The following PALB2 variants were observed in gnomAD, a reference collection of about 807,000 sequenced individuals.
PALB2 encodes the protein partner and localizer of BRCA2.
Under a neutral mutation model 107.4 loss-of-function variants are expected in PALB2, and 82 were observed. The ratio of observed to expected loss-of-function variants is 0.76; its 90% CI spans 0.64 to 0.92. The LOEUF (loss-of-function observed/expected upper bound fraction) is 0.92, where lower values mean the gene tolerates loss of function less well. Ranked by LOEUF, PALB2 falls within the 40% of genes least tolerant of loss-of-function variation. The pLI, the probability that PALB2 is intolerant of heterozygous loss-of-function variation, is 0.00. For missense variants in PALB2, 1,374 were observed against 1,379.9 expected, an observed-to-expected ratio of 1.00 and a Z score of 0.07; for synonymous variants, 489 against 496.8, an observed-to-expected ratio of 0.98 and a Z score of 0.21.
intron 3 of PALB2, among the ~76,000 whole-genome samples, chr16:23,636,937 A>G (rs557563815): frequency 6.6e-6 from 1 of 152,276 alleles, no homozygotes; most frequent in East Asian, 1.9e-4. Flanking sequence ...TTCTCTGTTC[A>G]TATATACTTA....
chr16:23,607,490 C>T (rs563426806), intron 12 of PALB2: 7 of 311,770 alleles, frequency 2.2e-5, no homozygotes, highest in South Asian at 2.1e-4. Context: ...GAGACTGGGT[C>T]TTGCTCTGTT....
intron 10 of PALB2, among the ~76,000 whole-genome samples, chr16:23,619,273 G>GA (rs1026776349): frequency 6.6e-6 from 1 of 152,174 alleles, no homozygotes; most frequent in Admixed American, 6.6e-5. Flanking sequence ...CCTATAGTCA[G>GA]AAAAGAGATG....
intron 11 of PALB2, among the ~76,000 whole-genome samples, chr16:23,613,326 G>A (rs1966620768): frequency 6.6e-6 from 1 of 152,130 alleles, no homozygotes; most frequent in South Asian, 2.1e-4. Context: ...ATTTATTTCT[G>A]TGTGAGAAGA....
rs587776408 is a variant in PALB2, at chr16:23,635,659, A to AT, written c.886dup (p.Met296AsnfsTer7). On this transcript the variant is annotated frameshift_variant, in exon 4 of 13. Transcript: ENST00000261584. LOFTEE classifies it high-confidence loss of function. The stretch of plus-strand genomic sequence containing the variant: ...AAGGAGGTTATCTGTAGAGACAGTC[A>AT]TTTTTTTGCCTTGTGCCTCCAAACT... 5 of 1,613,880 alleles carry AT rather than the reference A, an allele frequency of 3.1e-6. No individual in the cohort carries two copies. The African/African-American group carries it at 5.3e-5, about 17-fold the overall frequency.
rs762994288 is a variant in PALB2, at chr16:23,629,631, G to A, written c.2514+9C>T. 1 of 1,612,514 alleles carries A rather than the reference G, an allele frequency of 6.2e-7. No homozygotes were observed. Among genetic ancestry groups the A allele is most frequent in the South Asian group, 1.1e-5 (1 of 91,038 alleles). On this transcript the variant is annotated intron_variant, in intron 5 of 12. Transcript: ENST00000261584. ...TCAGAGAAAATTTCACAGAGGAAAT[G>A]GATTGTACCTGTTCGACGGAATGTT...
chr16:23,625,726 G>A (rs774442765), intron 7 of PALB2, among the ~76,000 whole-genome samples: 2 of 151,848 alleles, frequency 1.3e-5, no homozygotes, highest in Non-Finnish European at 2.9e-5. Flanking sequence ...GAACCTGGGC[G>A]GCAGAGGTTG....
intron 9 of PALB2, 70 bp downstream of exon 9, chr16:23,622,899 A>C: frequency 6.3e-7 from 1 of 1,586,094 alleles, no homozygotes; most frequent in East Asian, 2.2e-5. Context: ...TAGTTACCCA[A>C]CTTTCTCTGA....
At chr16:23,611,137 C>CGTT (rs1239321190) in intron 11 of PALB2, among the ~76,000 whole-genome samples, 1 of 147,870 alleles carries the variant, frequency 6.8e-6, no homozygotes, top group African/African-American at 2.5e-5. Context: ...TCTATCTATT[C>CGTT]GTTGTTGTTG....
chr16:23,638,031 G>C (rs764761919), intron 2 of PALB2, 39 bp downstream of exon 2: 2 of 1,603,844 alleles, frequency 1.2e-6, no homozygotes, highest in Non-Finnish European at 1.7e-6. Flanking sequence ...TAAATTGTTT[G>C]TACTATAACA....
At chr16:23,621,909 C>A (rs1567213161) in intron 9 of PALB2, among the ~76,000 whole-genome samples, 1 of 152,056 alleles carries the variant, frequency 6.6e-6, no homozygotes, top group Non-Finnish European at 1.5e-5. Context: ...ATATTCTCTC[C>A]TTCCTCTCAA....
At chr16:23,634,744 A>G (rs376941476) in intron 4 of PALB2, 118 bp downstream of exon 4, 3 of 1,396,468 alleles carry the variant, frequency 2.1e-6, no homozygotes, top group African/African-American at 2.9e-5. Flanking sequence ...TTACAGACGT[A>G]AGCCACCACA....
Position 23,629,836 on chromosome 16 carries a change from G to A in PALB2, c.2318C>T (p.Thr773Ile), listed in dbSNP as rs751447232. The change falls in exon 5 of 13, where the codon ACT becomes ATT. Residue 773 changes from threonine (T) to isoleucine (I), a missense_variant. Physicochemically the swap from Thr to Ile is moderately conservative, Grantham distance 89 (BLOSUM62 -1). Coordinates refer to ENST00000261584, the MANE Select transcript of PALB2 (RefSeq NM_024675.4). Reference protein sequence around the residue: ...LKDSVCLASDTKQFDSSGSPA... With the variant: ...LKDSVCLASDIKQFDSSGSPA... ...GCTGCCTGAACTGTCGAATTGTTTA[G>A]TATCACTGGCAAGACAGACTGAGTC... 1.2e-6 allele frequency: 2 copies of A among 1,614,202 alleles called. No homozygotes were observed. Among genetic ancestry groups the A allele is most frequent in the South Asian group, 2.2e-5 (2 of 91,086 alleles).
At chr16:23,638,208 G>A (rs1307068102) in intron 1 of PALB2, 79 bp from the exon 2 acceptor site, 3 of 1,182,546 alleles carry the variant, frequency 2.5e-6, no homozygotes, top group Non-Finnish European at 3.8e-6. Context: ...GCTTGGCGGG[G>A]TCCCTTGGCA....
chr16:23,641,290 G>C lies in PALB2; in HGVS notation c.-133C>G. On this transcript the variant is annotated 5_prime_UTR_variant, in exon 1 of 13. In the 5' UTR this introduces an upstream ATG that the reference lacks. Transcript: ENST00000261584. ...GCCCGGGATCGCACCCTCAGTGCGC[G>C]ATCAGCTGACCCACGCGGGCCAAGC... is the stretch of plus-strand genomic sequence containing the variant. 1 of 1,240,124 alleles carries C rather than the reference G, an allele frequency of 8.1e-7. No homozygotes were observed. The highest frequency in any genetic ancestry group is 1.1e-6 in the Non-Finnish European group (1 of 877,162). The allele number at this position is 1,240,124 out of a possible 1,614,324, so 76.8% of individuals were successfully genotyped here.
chr16:23,637,743 C>G, intron 3 of PALB2, 107 bp downstream of exon 3: 1 of 779,456 alleles, frequency 1.3e-6, no homozygotes. Context: ...AAAATTAAAG[C>G]GTCTATTGCT....
chr16:23,605,332 T>G (rs778909565), intron 12 of PALB2, among the ~76,000 whole-genome samples: 4 of 152,142 alleles, frequency 2.6e-5, no homozygotes, highest in Non-Finnish European at 4.4e-5. Flanking sequence ...GCAAGCTTCA[T>G]GTATTGTATT....
In PALB2 at chr16:23,630,218, T is replaced by C. The variant is rs1303399070; in HGVS notation, c.1936A>G (p.Arg646Gly). The C allele has an allele frequency of 1.2e-6, 2 of 1,614,028 alleles. No individual in the cohort carries two copies. Among genetic ancestry groups the C allele is most frequent in the Non-Finnish European group, 8.5e-7 (1 of 1,180,052 alleles). ...ATACAGCTTCCCTCTTTAAGATGTC[T>C]CTCTCCAAACATTTTTGACTCAAAG... ...EPFESKMFGE[R>G]HLKEGSCIFP... The change falls in exon 5 of 13, where the codon AGA becomes GGA. Residue 646 changes from arginine to glycine, a missense_variant. Arg to Gly is a moderately radical substitution (Grantham distance 125). Transcript: ENST00000261584.
intron 4 of PALB2, among the ~76,000 whole-genome samples, chr16:23,634,426 G>A (rs905011016): frequency 5.3e-5 from 8 of 152,074 alleles, no homozygotes; most frequent in Admixed American, 1.3e-4. Context: ...GTGGTGGGAG[G>A]ATTGTTTGAG....
intron 4 of PALB2, 93 bp downstream of exon 4, chr16:23,634,769 T>A (rs1966943465): frequency 6.6e-7 from 1 of 1,521,456 alleles, no homozygotes; most frequent in Non-Finnish European, 8.9e-7. Context: ...GCCCTGTCAC[T>A]TTTTAGAAAA....
Sources: gnomAD v4.1 joint callset for allele counts (sites outside exome capture counted in the v4.1 genomes callset) on GRCh38, gnomAD v4.1.1 for gene constraint, MANE v1.5 for transcripts, NCBI Gene and HGNC (gene_info 2026-07-23, HGNC 2026-07-21) for gene names.